Variants in KDM4C observed in about 807,000 individuals in gnomAD.
KDM4C encodes lysine-specific demethylase 4C.
KDM4C carries 81 observed loss-of-function variants against 129.3 expected under a neutral mutation model. The observed-to-expected ratio is 0.63, with a 90% CI of 0.52 to 0.75. The LOEUF is 0.75. Among genes scored for constraint, KDM4C ranks in the 30% least tolerant of loss-of-function variants. KDM4C has a pLI of 0.00. For missense variants in KDM4C, 1,457 were observed against 1,304.0 expected, an observed-to-expected ratio of 1.12 and a Z score of -1.81; for synonymous variants, 573 against 456.1, an observed-to-expected ratio of 1.26 and a Z score of -3.26.
chr9:7,025,186 C>CT (rs1045760123), intron 15 of KDM4C, among the ~76,000 whole-genome samples: 11 of 152,120 alleles, frequency 7.2e-5, no homozygotes, highest in African/African-American at 2.7e-4. Flanking sequence ...TACTCCAGCT[C>CT]TTTTTTGCTT....
chr9:7,155,656 C>G (rs1564187317), intron 19 of KDM4C, among the ~76,000 whole-genome samples: 1 of 152,140 alleles, frequency 6.6e-6, no homozygotes, highest in Non-Finnish European at 1.5e-5. Context: ...TGGTTTCTAG[C>G]TTCATCCATG....
chr9:6,862,556 A>G (rs569339701), intron 5 of KDM4C, among the ~76,000 whole-genome samples: 93 of 152,318 alleles, frequency 6.1e-4, no homozygotes, highest in Non-Finnish European at 9.7e-4. Context: ...TAATCCCAGC[A>G]CTTTAGGAGG....
At chr9:6,966,369 A>G (rs1033387767) in intron 8 of KDM4C, among the ~76,000 whole-genome samples, 2 of 152,138 alleles carry the variant, frequency 1.3e-5, no homozygotes, top group Non-Finnish European at 2.9e-5. Flanking sequence ...TTTTTAGTAG[A>G]GACGGGGTTT....
chr9:7,007,937 G>A (rs886729618), intron 12 of KDM4C, among the ~76,000 whole-genome samples: 5 of 152,162 alleles, frequency 3.3e-5, no homozygotes, highest in African/African-American at 1.2e-4. Context: ...GGACTTCACA[G>A]CGCTTGTCCC....
At chr9:6,812,990 A>T (rs1425019930) in intron 3 of KDM4C, among the ~76,000 whole-genome samples, 1 of 152,142 alleles carries the variant, frequency 6.6e-6, no homozygotes, top group African/African-American at 2.4e-5. Context: ...AGCCTGACCA[A>T]CATGGAGAAA....
chr9:6,980,661 C>G (rs1258652394), intron 8 of KDM4C, among the ~76,000 whole-genome samples: 1 of 152,136 alleles, frequency 6.6e-6, no homozygotes, highest in Non-Finnish European at 1.5e-5. Flanking sequence ...CAAATGAGCA[C>G]TCTTTCCTTT....
intron 17 of KDM4C, among the ~76,000 whole-genome samples, chr9:7,071,592 C>G (rs901169196): frequency 2.6e-5 from 4 of 152,168 alleles, no homozygotes; most frequent in Middle Eastern, 3.4e-3. Context: ...GAATCTTGAT[C>G]CATACTCATT....
intron 17 of KDM4C, among the ~76,000 whole-genome samples, chr9:7,067,211 T>A (rs1294737259): frequency 6.6e-6 from 1 of 152,236 alleles, no homozygotes; most frequent in East Asian, 1.9e-4. Flanking sequence ...CTATTGACTC[T>A]CTTTTTCCTG....
chr9:6,741,784 T>C (rs1363768249), intron 1 of KDM4C, among the ~76,000 whole-genome samples: 1 of 151,188 alleles, frequency 6.6e-6, no homozygotes, highest in African/African-American at 2.4e-5. Flanking sequence ...CCCAGGCTGA[T>C]TTTGAACTCC....
intron 17 of KDM4C, among the ~76,000 whole-genome samples, chr9:7,057,635 C>G (rs1051960808): frequency 6.6e-6 from 1 of 152,152 alleles, no homozygotes; most frequent in African/African-American, 2.4e-5. Context: ...TGATTTTTCC[C>G]CCTTTATTTT....
chr9:6,787,613 T>C (rs1035730160), intron 1 of KDM4C, among the ~76,000 whole-genome samples: 1 of 152,242 alleles, frequency 6.6e-6, no homozygotes, highest in African/African-American at 2.4e-5. Context: ...TTGTTCAGAA[T>C]GTATTTGCAA....
At position 6,770,190 on chromosome 9, in the gene KDM4C, A is replaced by G. The variant is rs1821464019; in HGVS notation, c.-18+11987A>G. Among the ~76,000 whole-genome samples the G allele has an allele frequency of 2.0e-5, 3 of 151,590 alleles. No individual in the cohort carries two copies. The South Asian group carries it at 6.2e-4, about 31-fold the overall frequency. On this transcript the variant is annotated intron_variant, in intron 1 of 21. Transcript: ENST00000381309. The stretch of plus-strand genomic sequence containing the variant: ...GTGAAACTCCATCTCAAAAAGGAAA[A>G]ACAAAACAAACAAACAAAAAACACC...
At position 6,808,807 on chromosome 9, in the gene KDM4C, A is replaced by G. The variant is rs111639926; in HGVS notation, c.320+3033A>G. 4.7e-3 allele frequency among the ~76,000 whole-genome samples: 717 copies of G among 151,954 alleles called. 7 individuals carry two copies. The highest frequency in any genetic ancestry group is 0.014 in the African/African-American group (589 of 41,460). ...CTCAAGGGGAGGAGAATGAAGCTCT[A>G]CTTCTTGAAGGGAGGAGTGTCAATG... is the stretch of plus-strand genomic sequence containing the variant. On this transcript the variant is annotated intron_variant, in intron 3 of 21. Transcript: ENST00000381309.
At chr9:7,173,938 A>G (rs1211971594) in intron 21 of KDM4C, among the ~76,000 whole-genome samples, 2 of 152,218 alleles carry the variant, frequency 1.3e-5, no homozygotes, top group Non-Finnish European at 2.9e-5. Flanking sequence ...TGGAGAGGAG[A>G]AGGCCCAGTG....
chr9:6,890,628 C>CT (rs879912511), intron 7 of KDM4C, among the ~76,000 whole-genome samples: 1,535 of 145,102 alleles, frequency 0.011, 32 homozygotes, highest in African/African-American at 0.035. Context: ...AACAGGTGCT[C>CT]TTTTTTTTTT....
intron 17 of KDM4C, among the ~76,000 whole-genome samples, chr9:7,099,785 C>T (rs927793272): frequency 6.6e-6 from 1 of 152,196 alleles, no homozygotes; most frequent in Middle Eastern, 3.2e-3. Context: ...TCAGAGATAC[C>T]CACTAACAGC....
At chr9:6,779,314 C>T (rs1324610924) in intron 1 of KDM4C, among the ~76,000 whole-genome samples, 1 of 152,038 alleles carries the variant, frequency 6.6e-6, no homozygotes, top group Non-Finnish European at 1.5e-5. Context: ...CCGTGCCTGG[C>T]TGATTAAAGT....
At chr9:7,014,129 T>A in intron 14 of KDM4C, 128 bp downstream of exon 14, 3 of 694,132 alleles carry the variant, frequency 4.3e-6, no homozygotes, top group Non-Finnish European at 7.2e-6. Context: ...TATATCATTC[T>A]TTTTCATATT....
intron 4 of KDM4C, among the ~76,000 whole-genome samples, chr9:6,820,896 G>A (rs1390074315): frequency 7.7e-6 from 1 of 129,686 alleles, no homozygotes; most frequent in East Asian, 2.6e-4. Flanking sequence ...ACAGGCCCCA[G>A]TGTGTGATGT....
Sources: allele counts gnomAD v4.1 joint callset (sites outside exome capture counted in the v4.1 genomes callset), GRCh38; gene constraint gnomAD v4.1.1; transcripts MANE v1.5; gene names NCBI Gene and HGNC (gene_info 2026-07-23, HGNC 2026-07-21).